Variants in LRMDA observed in about 807,000 individuals in gnomAD.
LRMDA encodes the protein leucine rich melanocyte differentiation associated.
A neutral mutation model predicts 29.8 loss-of-function variants in LRMDA; 18 were observed. That is an observed-to-expected ratio of 0.60 (90% CI 0.42 to 0.90). The LOEUF (loss-of-function observed/expected upper bound fraction) is 0.90, where lower values mean the gene tolerates loss of function less well. Among genes scored for constraint, LRMDA ranks in the 40% least tolerant of loss-of-function variants. The pLI, the probability that LRMDA is intolerant of heterozygous loss-of-function variation, is 0.00. For synonymous variants in LRMDA, 125 were observed against 109.4 expected, an observed-to-expected ratio of 1.14 and a Z score of -0.89; for missense variants, 273 against 273.9, an observed-to-expected ratio of 1.00 and a Z score of 0.02.
intron 5 of LRMDA, among the ~76,000 whole-genome samples, chr10:76,294,435 C>T (rs373925529): frequency 5.9e-5 from 9 of 152,130 alleles, no homozygotes; most frequent in Non-Finnish European, 8.8e-5. Flanking sequence ...TCCCAAAGAA[C>T]GTATAAAACA....
chr10:76,044,891 T>C (rs977005176), intron 3 of LRMDA, among the ~76,000 whole-genome samples: 22 of 152,206 alleles, frequency 1.4e-4, no homozygotes, highest in Non-Finnish European at 2.9e-4. Context: ...CTTTTGCTAG[T>C]TTCCCCTCTT....
At chr10:75,862,251 T>C (rs186102532) in intron 2 of LRMDA, among the ~76,000 whole-genome samples, 32 of 152,178 alleles carry the variant, frequency 2.1e-4, no homozygotes, top group Admixed American at 1.6e-3. Context: ...GAAATGATTT[T>C]TCATATCTGA....
At chr10:75,887,735 A>G (rs1020616924) in intron 2 of LRMDA, among the ~76,000 whole-genome samples, 6 of 152,140 alleles carry the variant, frequency 3.9e-5, no homozygotes, top group African/African-American at 1.4e-4. Flanking sequence ...CTAGATGCAT[A>G]TCTGGTTCAT....
intron 5 of LRMDA, among the ~76,000 whole-genome samples, chr10:76,235,135 T>G (rs1252970107): frequency 3.3e-5 from 5 of 152,150 alleles, no homozygotes; most frequent in African/African-American, 7.2e-5. Context: ...GAGTTATAAA[T>G]TGGCCTAATT....
chr10:76,141,877 G>T (rs995797090), intron 5 of LRMDA, among the ~76,000 whole-genome samples: 1 of 152,024 alleles, frequency 6.6e-6, no homozygotes. Flanking sequence ...TTTCTGTCTC[G>T]TTTTAATTGT....
rs189827425 is a variant in LRMDA at position 76,300,000 on chromosome 10, C to T, written c.517-24401C>T. ...TAAAGAAATGAGAGAAACTCTAAAT[C>T]TGTTCTAAAACTAGGGGTAGTCATG... On this transcript the variant is annotated intron_variant, in intron 5 of 6. Transcript: ENST00000611255. Among the ~76,000 whole-genome samples, 282 of 152,318 alleles carry T rather than the reference C, an allele frequency of 1.9e-3. 1 individual carries two copies. Among genetic ancestry groups the T allele is most frequent in the Middle Eastern group, 6.8e-3 (2 of 294 alleles).
intron 6 of LRMDA, among the ~76,000 whole-genome samples, chr10:76,476,085 C>T (rs1842667028): frequency 6.6e-6 from 1 of 151,966 alleles, no homozygotes; most frequent in Non-Finnish European, 1.5e-5. Flanking sequence ...CACAAAAAAC[C>T]CTTCAAAAAA....
intron 2 of LRMDA, among the ~76,000 whole-genome samples, chr10:75,919,072 G>A (rs1845983319): frequency 1.3e-5 from 2 of 152,198 alleles, no homozygotes; most frequent in African/African-American, 4.8e-5. Context: ...TAGGAAGTAG[G>A]TGCCGTTATT....
At chr10:75,915,810 G>C (rs1476181906) in intron 2 of LRMDA, among the ~76,000 whole-genome samples, 2 of 152,162 alleles carry the variant, frequency 1.3e-5, no homozygotes, top group African/African-American at 4.8e-5. Context: ...GCTCTGCAGG[G>C]GGATAGGGTC....
intron 2 of LRMDA, among the ~76,000 whole-genome samples, chr10:75,629,418 T>A (rs1428856377): frequency 1.3e-5 from 2 of 152,242 alleles, no homozygotes; most frequent in Non-Finnish European, 2.9e-5. Context: ...TTAAAACATG[T>A]TCTCCTACAC....
At chr10:75,640,844 G>T (rs1403742018) in intron 2 of LRMDA, among the ~76,000 whole-genome samples, 2 of 152,198 alleles carry the variant, frequency 1.3e-5, no homozygotes, top group Non-Finnish European at 2.9e-5. Flanking sequence ...CCCCATGCCA[G>T]TTTGGTATTT....
intron 2 of LRMDA, among the ~76,000 whole-genome samples, chr10:75,850,095 C>T (rs912574283): frequency 6.6e-6 from 1 of 152,226 alleles, no homozygotes; most frequent in Non-Finnish European, 1.5e-5. Context: ...ATCATCATAA[C>T]TCAGCATGGA....
intron 6 of LRMDA, among the ~76,000 whole-genome samples, chr10:76,528,530 T>C (rs1490959735): frequency 6.6e-6 from 1 of 152,086 alleles, no homozygotes; most frequent in Admixed American, 6.5e-5. Flanking sequence ...TACACTTAAT[T>C]TTTTTACAAT....
At chr10:76,494,942 T>C (rs985095960) in intron 6 of LRMDA, among the ~76,000 whole-genome samples, 1 of 151,936 alleles carries the variant, frequency 6.6e-6, no homozygotes, top group African/African-American at 2.4e-5. Flanking sequence ...GAAAATATTC[T>C]TTGTCTTTGT....
rs536066684 is a variant in LRMDA, at chr10:75,461,810, G to A, written c.131+23316G>A. On this transcript the variant is annotated intron_variant, in intron 2 of 6. Transcript: ENST00000611255. ...AGGCTGGCTCACTTCTGAGGCCGCT[G>A]CTGGGACAGGGAACTCCTAAGGCTC... 1.5e-4 allele frequency among the ~76,000 whole-genome samples: 23 copies of A among 152,348 alleles called. No homozygotes were observed. The South Asian group carries it at 4.8e-3, about 32-fold the overall frequency.
intron 6 of LRMDA, among the ~76,000 whole-genome samples, chr10:76,331,649 G>A (rs980113421): frequency 2.0e-5 from 3 of 152,212 alleles, no homozygotes; most frequent in African/African-American, 7.2e-5. Flanking sequence ...GTATCTTTTA[G>A]ACTTCTTGCC....
chr10:75,602,751 G>T (rs975624368), intron 2 of LRMDA, among the ~76,000 whole-genome samples: 4 of 152,102 alleles, frequency 2.6e-5, no homozygotes, highest in African/African-American at 7.2e-5. Context: ...TTTTTGAAGT[G>T]TTGGCTCATA....
chr10:75,551,101 C>T (rs1014992518), intron 2 of LRMDA, among the ~76,000 whole-genome samples: 1 of 147,000 alleles, frequency 6.8e-6, no homozygotes, highest in African/African-American at 2.5e-5. Flanking sequence ...TGAAAATATT[C>T]TGTTTAAATA....
chr10:76,232,453 T>G (rs1286057455), intron 5 of LRMDA, among the ~76,000 whole-genome samples: 1 of 152,182 alleles, frequency 6.6e-6, no homozygotes, highest in Non-Finnish European at 1.5e-5. Flanking sequence ...ACCCTCTTCA[T>G]AGGGGAGAAG....
Sources: allele counts gnomAD v4.1 joint callset (sites outside exome capture counted in the v4.1 genomes callset), GRCh38; gene constraint gnomAD v4.1.1; transcripts MANE v1.5; gene names NCBI Gene and HGNC (gene_info 2026-07-23, HGNC 2026-07-21).